GPHN: variants seen among roughly 807,000 people sequenced by gnomAD.
GPHN encodes gephyrin.
GPHN carries 17 observed loss-of-function variants against 95.5 expected under a neutral mutation model. That is an observed-to-expected ratio of 0.18 (90% CI 0.12 to 0.27). The LOEUF is 0.27. GPHN is among the 10% of genes least tolerant of loss of function. The pLI is 1.00. For synonymous variants in GPHN, 320 were observed against 322.5 expected, an observed-to-expected ratio of 0.99 and a Z score of 0.08; for missense variants, 660 against 978.1, an observed-to-expected ratio of 0.67 and a Z score of 4.34.
At chr14:67,663,238 C>G in the GPHN span, 52 of 1,284,914 alleles carry the variant, frequency 4.0e-5, no homozygotes, top group Non-Finnish European at 5.2e-5. Flanking sequence ...AAACATCTAA[C>G]TAAAACAGTA....
At chr14:66,712,267 T>C (rs1435871375) in intron 2 of GPHN, among the ~76,000 whole-genome samples, 5 of 152,216 alleles carry the variant, frequency 3.3e-5, no homozygotes, top group Non-Finnish European at 5.9e-5. Flanking sequence ...TTCCTGACTT[T>C]TTAATGATCG....
At chr14:67,103,511 C>CTTTTTTTTTTT in intron 13 of GPHN, among the ~76,000 whole-genome samples, 31 of 53,402 alleles carry the variant, frequency 5.8e-4, no homozygotes, top group East Asian at 2.1e-3. Context: ...GTTTCTTTCT[C>CTTTTTTTTTTT]TTTTTTTTTT....
intron 1 of GPHN, among the ~76,000 whole-genome samples, chr14:66,611,378 A>G (rs1421888538): frequency 6.6e-6 from 1 of 152,136 alleles, no homozygotes; most frequent in East Asian, 1.9e-4. Flanking sequence ...CTTAACACTG[A>G]TATACGTCCA....
chr14:67,513,943 A>T, the GPHN span, among the ~76,000 whole-genome samples: 1 of 152,160 alleles, frequency 6.6e-6, no homozygotes, highest in African/African-American at 2.4e-5. Flanking sequence ...AGAGAGAAAG[A>T]CACTGTACCA....
At chr14:67,726,847 T>A in the GPHN span, 2 of 749,638 alleles carry the variant, frequency 2.7e-6, no homozygotes, top group Non-Finnish European at 4.7e-6. Flanking sequence ...AACTGACCAT[T>A]AGAGTTACTC....
chr14:67,230,843 C>G, the GPHN span, among the ~76,000 whole-genome samples: 18 of 152,162 alleles, frequency 1.2e-4, no homozygotes, highest in African/African-American at 4.1e-4. Context: ...TTTCAGTTAC[C>G]TGTGGTCAAA....
chr14:67,178,254 C>T (rs186504662), intron 21 of GPHN, among the ~76,000 whole-genome samples: 10 of 152,280 alleles, frequency 6.6e-5, no homozygotes, highest in African/African-American at 2.4e-4. Context: ...TAAGGCAGGC[C>T]TGGTGATGAC....
the GPHN span, chr14:67,574,404 G>A: frequency 6.4e-7 from 1 of 1,557,112 alleles, no homozygotes; most frequent in South Asian, 1.2e-5. The surrounding 1 kb of genome is among the most constrained non-coding windows in gnomAD (Gnocchi z 4.2). Context: ...GCTGACCAAG[G>A]TAGAGGGTGG....
the GPHN span, among the ~76,000 whole-genome samples, chr14:67,202,722 TG>T: frequency 6.6e-6 from 1 of 152,204 alleles, no homozygotes; most frequent in Non-Finnish European, 1.5e-5. Flanking sequence ...TATGTGTAAA[TG>T]TGTGTACCTC....
the GPHN span, among the ~76,000 whole-genome samples, chr14:67,275,571 C>T: frequency 6.6e-6 from 1 of 152,126 alleles, no homozygotes; most frequent in Non-Finnish European, 1.5e-5. Context: ...GGCTTTTGGT[C>T]TAAAATTCTC....
the GPHN span, chr14:67,651,432 C>A: frequency 6.2e-7 from 1 of 1,613,934 alleles, no homozygotes; most frequent in Non-Finnish European, 8.5e-7. Context: ...CCCAGGATGG[C>A]GAGCTCCAGT....
At chr14:66,921,661 A>G (rs1336300746) in intron 6 of GPHN, among the ~76,000 whole-genome samples, 2 of 152,180 alleles carry the variant, frequency 1.3e-5, no homozygotes, top group Admixed American at 1.3e-4. Context: ...ATTCTATGCC[A>G]TTCCCATCAA....
At chr14:67,431,160 C>T in the GPHN span, among the ~76,000 whole-genome samples, 1 of 151,948 alleles carries the variant, frequency 6.6e-6, no homozygotes, top group East Asian at 1.9e-4. Context: ...TTTGGGAGGC[C>T]GAGGCGGGTG....
At chr14:67,485,410 A>G in the GPHN span, among the ~76,000 whole-genome samples, 2 of 152,374 alleles carry the variant, frequency 1.3e-5, no homozygotes, top group African/African-American at 4.8e-5. Context: ...GCCCTGAATT[A>G]TAAACTGTCA....
chr14:66,996,496 C>T (rs1221618636), intron 9 of GPHN, among the ~76,000 whole-genome samples: 2 of 152,028 alleles, frequency 1.3e-5, no homozygotes, highest in African/African-American at 4.8e-5. Flanking sequence ...GCTGTGACTA[C>T]CTTTATTCCA....
intron 4 of GPHN, among the ~76,000 whole-genome samples, chr14:66,877,742 A>G (rs995517376): frequency 3.3e-5 from 5 of 150,572 alleles, no homozygotes; most frequent in African/African-American, 7.2e-5. Context: ...AGAGGACACA[A>G]ATGGAAAAAC....
chr14:67,380,966 T>C, the GPHN span, among the ~76,000 whole-genome samples: 1 of 152,208 alleles, frequency 6.6e-6, no homozygotes, highest in Non-Finnish European at 1.5e-5. Context: ...AGAAACAGTC[T>C]TGTGAGTTCA....
chr14:67,584,685 G>A, the GPHN span, among the ~76,000 whole-genome samples: 2 of 152,220 alleles, frequency 1.3e-5, no homozygotes, highest in African/African-American at 4.8e-5. Flanking sequence ...TCAACAAATA[G>A]TTGAGCTCCT....
chr14:67,034,592 G>GA (rs1337116191), intron 10 of GPHN, among the ~76,000 whole-genome samples: 1 of 152,016 alleles, frequency 6.6e-6, no homozygotes, highest in Non-Finnish European at 1.5e-5. Flanking sequence ...TGAAAGGACA[G>GA]AAAAAGATAT....
Sources: allele counts gnomAD v4.1 joint callset (sites outside exome capture counted in the v4.1 genomes callset), GRCh38; gene constraint gnomAD v4.1.1; non-coding constraint Gnocchi (gnomAD v3.1); transcripts MANE v1.5; gene names NCBI Gene and HGNC (gene_info 2026-07-23, HGNC 2026-07-21).